SAG: variants seen among roughly 807,000 people sequenced by gnomAD.
The protein encoded by SAG is S-arrestin.
SAG carries 45 observed loss-of-function variants against 55.0 expected under a neutral mutation model. That is an observed-to-expected ratio of 0.82 (90% CI 0.64 to 1.05). The LOEUF (loss-of-function observed/expected upper bound fraction) is 1.05. SAG is among the 50% of genes least tolerant of loss of function. SAG has a pLI of 0.00. For synonymous variants in SAG, 189 were observed against 197.4 expected (o/e 0.96, Z 0.36); for missense variants, 455 against 512.1 (o/e 0.89, Z 1.08).
intron 5 of SAG, among the ~76,000 whole-genome samples, chr2:233,322,029 A>ACACACT (rs1700397247): frequency 9.5e-6 from 1 of 105,280 alleles, no homozygotes; most frequent in Non-Finnish European, 2.1e-5. Flanking sequence ...ACACACACAC[A>ACACACT]CACACACATT....
At chr2:233,330,877 C>T (rs1001184172) in intron 9 of SAG, among the ~76,000 whole-genome samples, 3 of 152,048 alleles carry the variant, frequency 2.0e-5, no homozygotes, top group Non-Finnish European at 4.4e-5. Flanking sequence ...TTTCTATAGG[C>T]TGGGCACTGT....
rs767939674 is a variant in SAG at position 233,328,507 on chromosome 2, T to C, written c.542T>C (p.Val181Ala). The change falls in exon 8 of 16, where the codon GTA becomes GCA. Residue 181 changes from valine to alanine, a missense_variant. By Grantham distance (64) the Val-to-Ala change is moderately conservative. Transcript: ENST00000409110. ...TCCGTGCGATTACTGATCCGCAAAG[T>C]ACAGCATGCCCCACTTGAGATGGGT... ...KSSVRLLIRKVQHAPLEMGPQ... is the reference protein window; with the variant it reads ...KSSVRLLIRKAQHAPLEMGPQ... 6 of 1,613,910 alleles carry C rather than the reference T, an allele frequency of 3.7e-6. No individual in the cohort carries two copies. The highest frequency in any genetic ancestry group is 1.7e-4 in the Middle Eastern group (1 of 6,060).
chr2:233,332,863 A>G (rs28605452), intron 10 of SAG: 17,513 of 152,054 alleles, frequency 0.12, 1,205 homozygotes, highest in African/African-American at 0.18. Context: ...GGGTTTCACC[A>G]TGTTAGCCAG....
rs932447754 is a variant in SAG at position 233,340,088 on chromosome 2, C to T, written c.1023-367C>T. 1.3e-5 allele frequency among the ~76,000 whole-genome samples: 2 copies of T among 152,020 alleles called. No homozygotes were observed. The highest frequency in any genetic ancestry group is 2.4e-5 in the African/African-American group (1 of 41,364). On this transcript the variant is annotated intron_variant, in intron 12 of 15. Transcript: ENST00000409110. This position sits in a 1 kb window ranked among gnomAD's most constrained non-coding sequence, Gnocchi z 4.2. ...TCCCCTGCCTCAGCCTCCCGAGTAGCTAAGATTACAGGCGCCTGCCACCAT... is the reference window on the plus strand; with the variant it reads ...TCCCCTGCCTCAGCCTCCCGAGTAGTTAAGATTACAGGCGCCTGCCACCAT...
intron 6 of SAG, among the ~76,000 whole-genome samples, chr2:233,324,375 C>T (rs191968233): frequency 2.1e-4 from 32 of 152,062 alleles, no homozygotes; most frequent in African/African-American, 2.7e-4. Flanking sequence ...CTAGCCTGAG[C>T]GATAGAGTGA....
At chr2:233,316,331 G>A (rs1269900145) in intron 3 of SAG, among the ~76,000 whole-genome samples, 196 bp downstream of exon 3, 1 of 151,678 alleles carries the variant, frequency 6.6e-6, no homozygotes, top group Non-Finnish European at 1.5e-5. Flanking sequence ...ATTTTTTTGA[G>A]ATGGAGTTTC....
At chr2:233,322,793 CA>C (rs761459167) in intron 5 of SAG, among the ~76,000 whole-genome samples, 152 bp from the exon 6 acceptor site, 7 of 152,156 alleles carry the variant, frequency 4.6e-5, no homozygotes, top group Non-Finnish European at 8.8e-5. Flanking sequence ...GTTATGTTAG[CA>C]ATATGTATTT....
At chr2:233,310,637 G>A (rs1244836258) in intron 2 of SAG, among the ~76,000 whole-genome samples, 1 of 151,376 alleles carries the variant, frequency 6.6e-6, no homozygotes, top group African/African-American at 2.4e-5. Flanking sequence ...CTCCCTAGTA[G>A]CTGGGACTAC....
intron 4 of SAG, 35 bp from the exon 5 acceptor site, chr2:233,320,591 CGAGG>C: frequency 6.6e-7 from 1 of 1,508,032 alleles, no homozygotes; most frequent in Non-Finnish European, 8.9e-7. Context: ...GGTGCCAGGC[CGAGG>C]GCCAAGTCCG....
chr2:233,325,465 G>A (rs1700523386), intron 6 of SAG, among the ~76,000 whole-genome samples: 1 of 152,082 alleles, frequency 6.6e-6, no homozygotes, highest in African/African-American at 2.4e-5. Flanking sequence ...GCACGTTTGT[G>A]TCTGTTTACT....
intron 9 of SAG, among the ~76,000 whole-genome samples, chr2:233,330,097 G>T (rs563963599): frequency 5.4e-4 from 82 of 152,316 alleles, no homozygotes; most frequent in African/African-American, 1.9e-3. Flanking sequence ...CAGGGGAGGT[G>T]CCTTCTGCCT....
rs1234167652 is a variant in SAG, at chr2:233,340,337, G to A, written c.1023-118G>A. The stretch of plus-strand genomic sequence containing the variant: ...ATTAAGGGATGGGAAGACCCTGGAT[G>A]TTGTGAGTTCGGGTGCAAGGGCCAT... On this transcript the variant is annotated intron_variant, in intron 12 of 15. Transcript: ENST00000409110. This position sits in a 1 kb window ranked among gnomAD's most constrained non-coding sequence, Gnocchi z 4.2. The A allele has an allele frequency of 1.6e-5, 12 of 773,962 alleles. No homozygotes were observed. In the Admixed American group the frequency reaches 2.7e-4, roughly 17 times the overall value. 47.9% of individuals were successfully genotyped at this position (773,962 alleles called of 1,614,324 possible). A position where few individuals can be genotyped will look rare whatever the true frequency, so the allele number is the denominator to read the frequency against.
rs3045566 is a variant in SAG at position 233,340,751 on chromosome 2, TTG to T, written c.1046+291_1046+292del. Among the ~76,000 whole-genome samples, 67,785 of 151,182 alleles carry T rather than the reference TTG, an allele frequency of 0.45. 16,345 individuals are homozygous for T. The highest frequency in any genetic ancestry group is 0.6 in the South Asian group (2,889 of 4,800). On this transcript the variant is annotated intron_variant, in intron 13 of 15. Coordinates refer to ENST00000409110, the MANE Select transcript of SAG (RefSeq NM_000541.5). This position sits in a 1 kb window ranked among gnomAD's most constrained non-coding sequence, Gnocchi z 4.2. Reference sequence around the variant, plus strand: ...AACTGGCACACTCCATGCAGCCAGCTTGTGTGTGTGTGTGTGTGTTTGTGTGC... The same window carrying T: ...AACTGGCACACTCCATGCAGCCAGCTTGTGTGTGTGTGTGTGTTTGTGTGC...
At chr2:233,346,718 T>C in intron 15 of SAG, 89 bp from the exon 16 acceptor site, 2 of 928,616 alleles carry the variant, frequency 2.2e-6, no homozygotes, top group Non-Finnish European at 3.4e-6. Context: ...CCTTGATCAG[T>C]TCCTTCGTTG....
chr2:233,337,194 A>G (rs1193716360), intron 11 of SAG, among the ~76,000 whole-genome samples: 2 of 151,770 alleles, frequency 1.3e-5, no homozygotes, highest in African/African-American at 2.4e-5. Context: ...GTACTTGGCC[A>G]TACTCCGCAA....
intron 9 of SAG, 193 bp from the exon 10 acceptor site, chr2:233,331,447 G>A: frequency 1.6e-6 from 1 of 644,242 alleles, no homozygotes; most frequent in Non-Finnish European, 2.8e-6. Context: ...GGTTATGGGT[G>A]ACCAGAAATG....
chr2:233,327,235 G>T, intron 7 of SAG, 38 bp downstream of exon 7: 1 of 1,546,472 alleles, frequency 6.5e-7, no homozygotes, highest in Non-Finnish European at 8.9e-7. Flanking sequence ...GGGGTCTGCG[G>T]TGGGGGTGGA....
chr2:233,313,853 C>T (rs966974236), intron 2 of SAG, among the ~76,000 whole-genome samples: 91 of 151,138 alleles, frequency 6.0e-4, no homozygotes, highest in African/African-American at 2.2e-3. Context: ...CAGGCATGAG[C>T]CACTGTACCT....
chr2:233,325,061 A>G (rs1230264700), intron 6 of SAG, among the ~76,000 whole-genome samples: 3 of 152,178 alleles, frequency 2.0e-5, no homozygotes, highest in African/African-American at 7.2e-5. Context: ...CCCCGTCTCT[A>G]CTAAAAATAG....
Sources: allele counts gnomAD v4.1 joint callset (sites outside exome capture counted in the v4.1 genomes callset), GRCh38; gene constraint gnomAD v4.1.1; non-coding constraint Gnocchi (gnomAD v3.1); transcripts MANE v1.5; gene names NCBI Gene and HGNC (gene_info 2026-07-23, HGNC 2026-07-21).